ARHGEF7: variants seen among roughly 807,000 people sequenced by gnomAD.
ARHGEF7 encodes Rho guanine nucleotide exchange factor 7.
ARHGEF7 carries 33 observed loss-of-function variants against 109.8 expected under a neutral mutation model. That is an observed-to-expected ratio of 0.30 (90% CI 0.23 to 0.40). The LOEUF (loss-of-function observed/expected upper bound fraction) is 0.40, where lower values mean the gene tolerates loss of function less well. Among genes scored for constraint, ARHGEF7 ranks in the 10% least tolerant of loss-of-function variants. The pLI is 1.00. For synonymous variants in ARHGEF7, 458 were observed against 424.6 expected, an observed-to-expected ratio of 1.08 and a Z score of -0.97; for missense variants, 938 against 1,098.5, an observed-to-expected ratio of 0.85 and a Z score of 2.07.
intron 1 of ARHGEF7, among the ~76,000 whole-genome samples, chr13:111,121,294 C>T (rs745617025): frequency 2.0e-5 from 3 of 152,190 alleles, no homozygotes; most frequent in South Asian, 2.1e-4. Context: ...ACGTGTGTTC[C>T]GTGTTCCTGT....
intron 14 of ARHGEF7, 47 bp from the exon 15 acceptor site, chr13:111,280,491 T>G: frequency 6.3e-7 from 1 of 1,579,590 alleles, no homozygotes; most frequent in East Asian, 2.2e-5. Context: ...CGCACGTGCT[T>G]TTTACCTGTG....
At chr13:111,220,818 C>G (rs958052054) in intron 5 of ARHGEF7, among the ~76,000 whole-genome samples, 1 of 151,904 alleles carries the variant, frequency 6.6e-6, no homozygotes, top group African/African-American at 2.4e-5. Flanking sequence ...AGCGTGTGTG[C>G]GTGCCCGGTT....
rs188347127 is a variant in ARHGEF7, at chr13:111,228,949, C to T, written c.671-4256C>T. ...GCGTAACCACTGAAACAGAGGGAAG[C>T]GGCTGGGTGGCTTCCAGTCAAGCGG... On this transcript the variant is annotated intron_variant, in intron 5 of 21. Transcript: ENST00000646102. The surrounding 1 kb of genome is among the most constrained non-coding windows in gnomAD (Gnocchi z 4.6). Among the ~76,000 whole-genome samples, 7 of 152,114 alleles carry T rather than the reference C, an allele frequency of 4.6e-5. No individual in the cohort carries two copies. The highest frequency in any genetic ancestry group is 1.9e-4 in the East Asian group (1 of 5,156).
At chr13:111,142,883 T>C (rs2075413482) in intron 1 of ARHGEF7, among the ~76,000 whole-genome samples, 1 of 152,254 alleles carries the variant, frequency 6.6e-6, no homozygotes, top group African/African-American at 2.4e-5. Context: ...TTCAGTCTTC[T>C]CTTAGGTGGC....
At chr13:111,213,546 G>A (rs2082752902) in intron 4 of ARHGEF7, among the ~76,000 whole-genome samples, 1 of 152,182 alleles carries the variant, frequency 6.6e-6, no homozygotes, top group African/African-American at 2.4e-5. Flanking sequence ...GTCTGATGGT[G>A]AAGATGAGTT....
chr13:111,124,663 G>C (rs988251467), intron 1 of ARHGEF7, among the ~76,000 whole-genome samples: 2 of 152,238 alleles, frequency 1.3e-5, no homozygotes, highest in African/African-American at 4.8e-5. Context: ...TGGCTACTGG[G>C]ATGGGACCTT....
chr13:111,186,004 G>GTGTGTGTGTT (rs2079216200), intron 2 of ARHGEF7, among the ~76,000 whole-genome samples: 1 of 145,570 alleles, frequency 6.9e-6, no homozygotes, highest in Non-Finnish European at 1.5e-5. Flanking sequence ...GTGTGTGTGT[G>GTGTGTGTGTT]TTTTCGTTTT....
chr13:111,192,101 C>T lies in ARHGEF7; in HGVS notation c.253-13188C>T, dbSNP rs1387054546. 2.6e-5 allele frequency among the ~76,000 whole-genome samples: 4 copies of T among 152,136 alleles called. No individual in the cohort carries two copies. In the East Asian group the frequency reaches 5.8e-4, roughly 22 times the overall value. On this transcript the variant is annotated intron_variant, in intron 2 of 21. Transcript: ENST00000646102. ...TAGTCTGGGATATTTCCTTCCAAAA[C>T]AGGAGATGCAAGTCCTCCAGTGGTT...
At chr13:111,268,772 A>G (rs1175526875) in intron 9 of ARHGEF7, among the ~76,000 whole-genome samples, 2 of 152,220 alleles carry the variant, frequency 1.3e-5, no homozygotes, top group African/African-American at 4.8e-5. Flanking sequence ...CAAGCATTCA[A>G]GCTAAAACTG....
At chr13:111,264,798 C>T (rs541096301) in intron 8 of ARHGEF7, among the ~76,000 whole-genome samples, 11 of 152,264 alleles carry the variant, frequency 7.2e-5, no homozygotes, top group Non-Finnish European at 1.2e-4. Context: ...GCCACCTGAA[C>T]GTGTGTGGGA....
rs149586677 is a variant in ARHGEF7 at position 111,222,555 on chromosome 13, G to A, written c.670+4675G>A. ...AGCGATTCTCCTGCCCCAGCCTCCC[G>A]AGTAGCTGGGATTATAGGCACGTGC... is the stretch of plus-strand genomic sequence containing the variant. On this transcript the variant is annotated intron_variant, in intron 5 of 21. Transcript: ENST00000646102. 3.4e-3 allele frequency among the ~76,000 whole-genome samples: 517 copies of A among 152,198 alleles called. 1 individual carries two copies. The highest frequency in any genetic ancestry group is 6.2e-3 in the Admixed American group (95 of 15,278).
chr13:111,187,529 G>T (rs1020552045), intron 2 of ARHGEF7, among the ~76,000 whole-genome samples: 1 of 152,156 alleles, frequency 6.6e-6, no homozygotes, highest in African/African-American at 2.4e-5. Context: ...TTTGAGTTGG[G>T]TTTACTTGCT....
intron 8 of ARHGEF7, among the ~76,000 whole-genome samples, chr13:111,246,021 T>C (rs1241941223): frequency 6.6e-6 from 1 of 152,216 alleles, no homozygotes; most frequent in Non-Finnish European, 1.5e-5. Context: ...TTTGTCACTT[T>C]TCCAAAATTT....
intron 8 of ARHGEF7, among the ~76,000 whole-genome samples, chr13:111,254,539 A>G (rs1184173596): frequency 1.1e-4 from 17 of 149,416 alleles, no homozygotes; most frequent in Admixed American, 4.7e-4. Context: ...CCGGGCTCAG[A>G]AGAGGATTCG....
intron 1 of ARHGEF7, among the ~76,000 whole-genome samples, chr13:111,152,984 C>T (rs1416413939): frequency 2.0e-5 from 3 of 152,228 alleles, no homozygotes; most frequent in African/African-American, 7.2e-5. Flanking sequence ...CTGCGCTCCT[C>T]CACTGCGGTG....
intron 1 of ARHGEF7, among the ~76,000 whole-genome samples, chr13:111,121,858 AATG>A (rs1222417320): frequency 1.4e-4 from 22 of 152,190 alleles, no homozygotes; most frequent in East Asian, 7.7e-4. Flanking sequence ...AAATGAGATG[AATG>A]ATATCCACTG....
Position 111,239,187 on chromosome 13 carries a change from G to C in ARHGEF7, c.760-4685G>C, listed in dbSNP as rs2087331702. Among the ~76,000 whole-genome samples, 1 of 152,192 alleles carries C rather than the reference G, an allele frequency of 6.6e-6. No individual in the cohort carries two copies. Among genetic ancestry groups the C allele is most frequent in the African/African-American group, 2.4e-5 (1 of 41,440 alleles). On this transcript the variant is annotated intron_variant, in intron 6 of 21. Transcript: ENST00000646102. This position sits in a 1 kb window ranked among gnomAD's most constrained non-coding sequence, Gnocchi z 4.3. ...CACCCTGTCCCGCCCTTGACACATGGGGATTATTACAATTCAGGGTGAGAT... is the reference window on the plus strand; with the variant it reads ...CACCCTGTCCCGCCCTTGACACATGCGGATTATTACAATTCAGGGTGAGAT...
chr13:111,252,632 T>C (rs1035061922), intron 8 of ARHGEF7, among the ~76,000 whole-genome samples: 1 of 152,250 alleles, frequency 6.6e-6, no homozygotes, highest in African/African-American at 2.4e-5. Flanking sequence ...ACTATAAATA[T>C]GTACAGTGAA....
At position 111,303,024 on chromosome 13, in the gene ARHGEF7, G is replaced by T; in HGVS notation, c.2500G>T (p.Glu834Ter). Residue 834 changes from glutamate (E) to a stop codon, truncating the protein, a stop_gained, in exon 22 of 22, where the codon GAA becomes TAA. Coordinates refer to ENST00000646102, the MANE Select transcript of ARHGEF7 (RefSeq NM_001354046.2). LOFTEE classifies it high-confidence loss of function. The part of the protein sequence containing the change: ...NKKMKKSLEE[E>*]QRARKDLEKL... ...AAAGATGAAGAAATCTCTAGAGGAAGAACAGAGAGCCCGCAAAGACCTGGA... is the reference window on the plus strand; with the variant it reads ...AAAGATGAAGAAATCTCTAGAGGAATAACAGAGAGCCCGCAAAGACCTGGA... 6.2e-7 allele frequency: 1 copy of T among 1,614,198 alleles called. No homozygotes were observed. The highest frequency in any genetic ancestry group is 1.1e-5 in the South Asian group (1 of 91,074).
Sources: allele counts gnomAD v4.1 joint callset (sites outside exome capture counted in the v4.1 genomes callset), GRCh38; gene constraint gnomAD v4.1.1; non-coding constraint Gnocchi (gnomAD v3.1); transcripts MANE v1.5; gene names NCBI Gene and HGNC (gene_info 2026-07-23, HGNC 2026-07-21).